The following HTRA1 variants were observed in gnomAD, a reference collection of about 807,000 sequenced individuals.
The protein encoded by HTRA1 is HtrA serine peptidase 1.
HTRA1 carries 26 observed loss-of-function variants against 49.7 expected under a neutral mutation model. The ratio of observed to expected loss-of-function variants is 0.52; its 90% CI spans 0.38 to 0.73. The LOEUF (loss-of-function observed/expected upper bound fraction) is 0.73. Among genes scored for constraint, HTRA1 ranks in the 30% least tolerant of loss-of-function variants. The probability of loss-of-function intolerance (pLI) is 0.00; values close to 1 mark genes in which losing one functional copy is unlikely to be tolerated. For missense variants in HTRA1, 561 were observed against 667.2 expected (o/e 0.84, Z 1.75); for synonymous variants, 291 against 286.9 (o/e 1.01, Z -0.14).
At position 122,464,514 on chromosome 10, in the gene HTRA1, C is replaced by T. The variant is rs60992033; in HGVS notation, c.472+2390C>T. ...TTGCATGTTTGTCTGTCTGGCACAT[C>T]GGAGGTACTTGGTACGAGTGGATTA... On this transcript the variant is annotated intron_variant, in intron 1 of 8. Coordinates refer to ENST00000368984, the MANE Select transcript of HTRA1 (RefSeq NM_002775.5). This position sits in a 1 kb window ranked among gnomAD's most constrained non-coding sequence, Gnocchi z 4.8. 0.012 allele frequency among the ~76,000 whole-genome samples: 1,815 copies of T among 152,262 alleles called. 28 individuals carry two copies. Among genetic ancestry groups the T allele is most frequent in the African/African-American group, 0.04 (1,644 of 41,536 alleles).
rs2097503010 is a variant in HTRA1, at chr10:122,506,264, C to T, written c.778-427C>T. Among the ~76,000 whole-genome samples the T allele has an allele frequency of 6.6e-6, 1 of 152,200 alleles. No individual in the cohort carries two copies. Among genetic ancestry groups the T allele is most frequent in the South Asian group, 2.1e-4 (1 of 4,834 alleles). ...TCGGGGCAGGTTTCACTGCCTGTAG[C>T]TTGGGATCCTTCCCTGGGGCTTGGT... On this transcript the variant is annotated intron_variant, in intron 3 of 8. Transcript: ENST00000368984. This position sits in a 1 kb window ranked among gnomAD's most constrained non-coding sequence, Gnocchi z 5.2.
chr10:122,514,557 G>A lies in HTRA1; in HGVS notation c.*198G>A. ...ATGTAATGTTGCAGATCCGCAGGCA[G>A]AAGCTCTGCCCTTCTGTATCCTATG... On this transcript the variant is annotated 3_prime_UTR_variant, in exon 9 of 9. Transcript: ENST00000368984. 1.6e-6 allele frequency: 1 copy of A among 620,682 alleles called. No individual in the cohort carries two copies. Among genetic ancestry groups the A allele is most frequent in the Non-Finnish European group, 2.9e-6 (1 of 344,504 alleles). 38.4% of individuals were successfully genotyped at this position (620,682 alleles called of 1,614,324 possible).
At chr10:122,507,252 CAG>C in intron 4 of HTRA1, 116 bp from the exon 5 acceptor site, 1 of 836,428 alleles carries the variant, frequency 1.2e-6, no homozygotes, top group Non-Finnish European at 2.1e-6. Context: ...GAATGAATCT[CAG>C]AGAAGAATCG....
intron 5 of HTRA1, among the ~76,000 whole-genome samples, chr10:122,507,960 T>G (rs2133450301): frequency 6.6e-6 from 1 of 151,886 alleles, no homozygotes; most frequent in East Asian, 1.9e-4. Context: ...AGAGGGCAGC[T>G]CTGGGGCCAT....
At chr10:122,479,433 G>A (rs760337) in intron 1 of HTRA1, among the ~76,000 whole-genome samples, 82,011 of 152,136 alleles carry the variant, frequency 0.54, 23,449 homozygotes, top group African/African-American at 0.72. Flanking sequence ...GACTGGTGAT[G>A]AGATGCACCC....
intron 1 of HTRA1, among the ~76,000 whole-genome samples, chr10:122,480,135 G>A (rs962848596): frequency 6.6e-6 from 1 of 152,224 alleles, no homozygotes; most frequent in Admixed American, 6.5e-5. Flanking sequence ...GGGAGACTGA[G>A]GCTGAAGCAG....
At position 122,513,522 on chromosome 10, in the gene HTRA1, A is replaced by G. The variant is rs1190508042; in HGVS notation, c.1275-669A>G. On this transcript the variant is annotated intron_variant, in intron 8 of 8. Transcript: ENST00000368984. ...CTAAAAATCTCAAAAGGAGCCCAGC[A>G]TCCTGGCACATGCATGTAATCCCAG... 4.6e-5 allele frequency among the ~76,000 whole-genome samples: 7 copies of G among 151,272 alleles called. No homozygotes were observed. In the East Asian group the frequency reaches 1.2e-3, roughly 26 times the overall value.
At chr10:122,474,651 C>A (rs1225612914) in intron 1 of HTRA1, among the ~76,000 whole-genome samples, 1 of 152,118 alleles carries the variant, frequency 6.6e-6, no homozygotes, top group Non-Finnish European at 1.5e-5. Flanking sequence ...AGGACCAGAG[C>A]CAGACGCTTA....
At chr10:122,484,808 G>T (rs2097492408) in intron 1 of HTRA1, among the ~76,000 whole-genome samples, 1 of 152,218 alleles carries the variant, frequency 6.6e-6, no homozygotes, top group Admixed American at 6.5e-5. Flanking sequence ...CAGAGCCTGT[G>T]CCAGCCTTCT....
At chr10:122,483,947 G>A (rs148065307) in intron 1 of HTRA1, among the ~76,000 whole-genome samples, 21 of 152,198 alleles carry the variant, frequency 1.4e-4, no homozygotes, top group East Asian at 1.2e-3. Context: ...TCATATATTC[G>A]TAGATTTCTA....
chr10:122,496,225 G>GTTTTGTTTTTTTTTTTTT (rs1287521208), intron 3 of HTRA1, among the ~76,000 whole-genome samples: 25 of 80,408 alleles, frequency 3.1e-4, no homozygotes, highest in African/African-American at 1.2e-3. Flanking sequence ...GAGATTGTGG[G>GTTTTGTTTTTTTTTTTTT]TTCTTTTTTT....
intron 1 of HTRA1, among the ~76,000 whole-genome samples, chr10:122,486,296 A>C (rs1199827043): frequency 6.6e-6 from 1 of 152,236 alleles, no homozygotes; most frequent in Non-Finnish European, 1.5e-5. Context: ...GAAAAAATTA[A>C]ATTAAGGCAG....
At chr10:122,472,458 C>T (rs1328916888) in intron 1 of HTRA1, among the ~76,000 whole-genome samples, 6 of 151,300 alleles carry the variant, frequency 4.0e-5, no homozygotes, top group Non-Finnish European at 5.9e-5. Context: ...GTAAGGGGCA[C>T]GATCTTGACT....
At chr10:122,512,726 T>G (rs938227344) in intron 8 of HTRA1, among the ~76,000 whole-genome samples, 4 of 152,204 alleles carry the variant, frequency 2.6e-5, no homozygotes, top group Non-Finnish European at 5.9e-5. Context: ...CATAGGTTTT[T>G]GGGGGAACAG....
At position 122,494,722 on chromosome 10, in the gene HTRA1, C is replaced by T. The variant is rs1460479978; in HGVS notation, c.777+5096C>T. Among the ~76,000 whole-genome samples the T allele has an allele frequency of 6.6e-6, 1 of 152,184 alleles. No individual in the cohort carries two copies. Among genetic ancestry groups the T allele is most frequent in the East Asian group, 1.9e-4 (1 of 5,166 alleles). On this transcript the variant is annotated intron_variant, in intron 3 of 8. Coordinates refer to ENST00000368984, the MANE Select transcript of HTRA1 (RefSeq NM_002775.5). The surrounding 1 kb of genome is among the most constrained non-coding windows in gnomAD (Gnocchi z 4.0). ...GTTTGAAGTGGCCACAGAGGGAGCC[C>T]TCTGGGCGCTGGGGCCGCTGTGTTT...
intron 1 of HTRA1, among the ~76,000 whole-genome samples, chr10:122,479,134 G>A (rs1355460691): frequency 6.6e-6 from 1 of 152,148 alleles, no homozygotes; most frequent in Non-Finnish European, 1.5e-5. Flanking sequence ...TTAGCTCTAC[G>A]TATCAACTCA....
intron 5 of HTRA1, among the ~76,000 whole-genome samples, chr10:122,507,742 GTCA>G (rs1401969576): frequency 6.6e-6 from 1 of 152,170 alleles, no homozygotes; most frequent in Non-Finnish European, 1.5e-5. Flanking sequence ...ATGCTGGCCA[GTCA>G]CCGAAAGCAC....
intron 1 of HTRA1, among the ~76,000 whole-genome samples, chr10:122,488,143 G>A (rs568827773): frequency 7.9e-5 from 12 of 152,240 alleles, no homozygotes; most frequent in African/African-American, 2.6e-4. Flanking sequence ...AGATGTACCC[G>A]TCTGGTGGGC....
At chr10:122,482,677 TG>T (rs1039209991) in intron 1 of HTRA1, among the ~76,000 whole-genome samples, 17 of 152,104 alleles carry the variant, frequency 1.1e-4, no homozygotes, top group African/African-American at 3.9e-4. Flanking sequence ...CCCAGCACTT[TG>T]GGTGGCTGAG....
Sources: gnomAD v4.1 joint callset for allele counts (sites outside exome capture counted in the v4.1 genomes callset) on GRCh38, gnomAD v4.1.1 for gene constraint, Gnocchi (gnomAD v3.1) non-coding constraint, MANE v1.5 for transcripts, NCBI Gene and HGNC (gene_info 2026-07-23, HGNC 2026-07-21) for gene names.